Variants in GRHL3 observed in about 807,000 individuals in gnomAD.
GRHL3 encodes grainyhead like transcription factor 3, also known as grainyhead-like protein 3 homolog.
In GRHL3, 20 loss-of-function variants were observed where a neutral mutation model predicts 70.3. That is an observed-to-expected ratio of 0.28 (90% CI 0.20 to 0.41). The LOEUF (loss-of-function observed/expected upper bound fraction) is 0.41, where lower values mean the gene tolerates loss of function less well. Ranked by LOEUF, GRHL3 falls within the 10% of genes least tolerant of loss-of-function variation. The probability of loss-of-function intolerance (pLI) is 1.00; values close to 1 mark genes in which losing one functional copy is unlikely to be tolerated. For missense variants in GRHL3, 637 were observed against 762.3 expected (o/e 0.84, Z 1.94); for synonymous variants, 299 against 299.9 (o/e 1.00, Z 0.03).
At chr1:24,363,788 G>A (rs994914471) in intron 15 of GRHL3, among the ~76,000 whole-genome samples, 6 of 152,196 alleles carry the variant, frequency 3.9e-5, no homozygotes, top group African/African-American at 1.2e-4. Flanking sequence ...TCTTCAGGTG[G>A]GGAAGAGCAT....
At chr1:24,328,248 A>G (rs1014911402) in intron 1 of GRHL3, among the ~76,000 whole-genome samples, 9 of 152,222 alleles carry the variant, frequency 5.9e-5, no homozygotes, top group Non-Finnish European at 8.8e-5. Flanking sequence ...TCCATCACTT[A>G]TTGGCTGAGT....
chr1:24,354,351 C>T (rs746456173), intron 15 of GRHL3, 23 bp from the exon 16 acceptor site: 5 of 1,562,222 alleles, frequency 3.2e-6, no homozygotes, highest in Non-Finnish European at 4.4e-6. Flanking sequence ...TGTGTTCCAA[C>T]CACATCCCCT....
At chr1:24,344,482 C>G (rs935725685) in intron 11 of GRHL3, among the ~76,000 whole-genome samples, 5 of 121,340 alleles carry the variant, frequency 4.1e-5, no homozygotes, top group Non-Finnish European at 5.0e-5. Flanking sequence ...CTCTTTCCCC[C>G]CAGAAAAAAA....
downstream of GRHL3, chr1:24,356,934 G>GA (rs1332360000): frequency 6.6e-6 from 1 of 152,058 alleles, no homozygotes; most frequent in East Asian, 1.9e-4. Context: ...CCCCTACCTA[G>GA]AGTCAAGGCT....
intron 15 of GRHL3, among the ~76,000 whole-genome samples, chr1:24,361,661 A>G (rs945557109): frequency 2.6e-5 from 4 of 152,218 alleles, no homozygotes; most frequent in Non-Finnish European, 5.9e-5. Context: ...ACCGGGCTGG[A>G]AATCAAGAGA....
Position 24,342,309 on chromosome 1 carries a change from G to A in GRHL3, c.1206+36G>A, listed in dbSNP as rs757843312. Reference sequence around the variant, plus strand: ...TGGGCAGACCCTATACTGGGTCCCGGGGAGGTAGAAGGGCCAAACCCTGAC... The same window carrying A: ...TGGGCAGACCCTATACTGGGTCCCGAGGAGGTAGAAGGGCCAAACCCTGAC... On this transcript the variant is annotated intron_variant, in intron 9 of 15. Coordinates refer to ENST00000361548, the MANE Select transcript of GRHL3 (RefSeq NM_198173.3). The surrounding 1 kb of genome is among the most constrained non-coding windows in gnomAD (Gnocchi z 4.8). 1.3e-6 allele frequency: 2 copies of A among 1,548,970 alleles called. No homozygotes were observed. The highest frequency in any genetic ancestry group is 1.7e-6 in the Non-Finnish European group (2 of 1,143,742).
Position 24,334,696 on chromosome 1 carries a change from C to G in GRHL3, c.256C>G (p.Gln86Glu), listed in dbSNP as rs373650845. 1 of 1,610,484 alleles carries G rather than the reference C, an allele frequency of 6.2e-7. No homozygotes were observed. Among genetic ancestry groups the G allele is most frequent in the Non-Finnish European group, 8.5e-7 (1 of 1,178,690 alleles). ...LSSSTGGRND[Q>E]GKRYYHGMEY... is the part of the protein sequence containing the mutation. ...CTCCAGCACTGGGGGCAGGAATGAC[C>G]AAGGAAAGAGGTGAGGCTTGCCAAC... is the stretch of plus-strand genomic sequence containing the variant. Residue 86 changes from glutamine to glutamate, a missense_variant, in exon 3 of 16, where the codon CAA becomes GAA. Physicochemically the swap from Gln to Glu is conservative, Grantham distance 29 (BLOSUM62 2). Around this residue, in one of 2 missense-constraint regions of GRHL3, gnomAD observed 250 missense variants for 248.6 expected, o/e 1.01. Coordinates refer to ENST00000361548, the MANE Select transcript of GRHL3 (RefSeq NM_198173.3). This position sits in a 1 kb window ranked among gnomAD's most constrained non-coding sequence, Gnocchi z 4.3.
At chr1:24,351,663 TG>T (rs1201744728) in intron 15 of GRHL3, among the ~76,000 whole-genome samples, 1 of 2,768 alleles carries the variant, frequency 3.6e-4, no homozygotes, top group Non-Finnish European at 5.9e-4. Flanking sequence ...TGTGATTGCA[TG>T]GGGGGGTGGG....
downstream of GRHL3, chr1:24,355,344 T>C (rs1357297630): frequency 2.6e-5 from 4 of 152,706 alleles, no homozygotes; most frequent in African/African-American, 9.6e-5. Flanking sequence ...TCGTTCCTTT[T>C]GGGAGAGTCT....
At chr1:24,353,890 G>A (rs1378700148) in intron 15 of GRHL3, among the ~76,000 whole-genome samples, 1 of 152,160 alleles carries the variant, frequency 6.6e-6, no homozygotes, top group East Asian at 1.9e-4. Context: ...CAGCTTCCTG[G>A]GAATGGAACT....
downstream of GRHL3, chr1:24,357,768 T>G (rs1640817107): frequency 5.2e-6 from 1 of 192,608 alleles, no homozygotes; most frequent in African/African-American, 2.3e-5. Flanking sequence ...TCCCTCCACA[T>G]AGAGAGACGA....
At chr1:24,320,469 G>A (rs1422232216) in intron 1 of GRHL3, among the ~76,000 whole-genome samples, 1 of 152,220 alleles carries the variant, frequency 6.6e-6, no homozygotes, top group Non-Finnish European at 1.5e-5. Flanking sequence ...TGGGATCTGG[G>A]CTGCTTTAGA....
chr1:24,337,564 C>T, intron 5 of GRHL3, 72 bp from the exon 6 acceptor site: 2 of 1,502,206 alleles, frequency 1.3e-6, no homozygotes, highest in Non-Finnish European at 1.8e-6. Flanking sequence ...CTCAGGCTTC[C>T]TGCCCCACTG....
intron 6 of GRHL3, 68 bp downstream of exon 6, chr1:24,337,857 C>T: frequency 1.2e-6 from 2 of 1,601,262 alleles, no homozygotes; most frequent in African/African-American, 1.3e-5. Context: ...CTTGGGCTAG[C>T]CACGGACCCT....
intron 5 of GRHL3, 22 bp from the exon 6 acceptor site, chr1:24,337,614 G>A (rs1483805329): frequency 1.2e-6 from 2 of 1,613,166 alleles, no homozygotes; most frequent in Non-Finnish European, 1.7e-6. Flanking sequence ...CAGCCTCACT[G>A]TCCTCTCCCT....
At chr1:24,344,777 T>C in intron 11 of GRHL3, 120 bp from the exon 12 acceptor site, 1 of 1,068,234 alleles carries the variant, frequency 9.4e-7, no homozygotes, top group Non-Finnish European at 1.4e-6. Context: ...TAGAAAGGCA[T>C]TGTAACAGTA....
chr1:24,350,943 T>C (rs143348648), intron 15 of GRHL3, among the ~76,000 whole-genome samples: 2 of 152,282 alleles, frequency 1.3e-5, no homozygotes, highest in Non-Finnish European at 2.9e-5. Flanking sequence ...AGTCCCCTGG[T>C]CAGAGCTAGT....
At chr1:24,320,999 C>G (rs1014925920) in intron 1 of GRHL3, among the ~76,000 whole-genome samples, 3 of 152,186 alleles carry the variant, frequency 2.0e-5, no homozygotes, top group African/African-American at 4.8e-5. Context: ...ACCAGTAACA[C>G]CATTGTCATT....
chr1:24,360,262 T>C (rs564908076), downstream of GRHL3, among the ~76,000 whole-genome samples: 21 of 152,254 alleles, frequency 1.4e-4, no homozygotes, highest in East Asian at 3.9e-3. Context: ...CTAGCCAACA[T>C]AGCGAACCCC....
Sources: gnomAD v4.1 joint callset for allele counts (sites outside exome capture counted in the v4.1 genomes callset) on GRCh38, gnomAD v4.1.1 for gene constraint, gnomAD v4.1.1 regional missense constraint, Gnocchi (gnomAD v3.1) non-coding constraint, MANE v1.5 for transcripts, NCBI Gene and HGNC (gene_info 2026-07-23, HGNC 2026-07-21) for gene names.